Variants in RAPGEF1 observed in about 807,000 individuals in gnomAD.
RAPGEF1 encodes the protein Rap guanine nucleotide exchange factor 1.
A neutral mutation model predicts 143.3 loss-of-function variants in RAPGEF1; 33 were observed. The observed-to-expected ratio is 0.23, with a 90% CI of 0.17 to 0.31. RAPGEF1 has a LOEUF of 0.31. Among genes scored for constraint, RAPGEF1 ranks in the 10% least tolerant of loss-of-function variants. The pLI is 1.00. For missense variants in RAPGEF1, 1,199 were observed against 1,645.4 expected, an observed-to-expected ratio of 0.73 and a Z score of 4.69; for synonymous variants, 629 against 676.5, an observed-to-expected ratio of 0.93 and a Z score of 1.09.
intron 17 of RAPGEF1, among the ~76,000 whole-genome samples, 189 bp downstream of exon 17, chr9:131,596,109 G>C (rs968983850): frequency 6.6e-6 from 1 of 152,088 alleles, no homozygotes; most frequent in Admixed American, 6.6e-5. Flanking sequence ...TGCCACGCAC[G>C]CCTGGAGTTG....
chr9:131,693,347 C>T (rs1433048770), intron 1 of RAPGEF1, among the ~76,000 whole-genome samples: 1 of 152,108 alleles, frequency 6.6e-6, no homozygotes, highest in Non-Finnish European at 1.5e-5. Flanking sequence ...AACTGAGCTC[C>T]TGCAATATGC....
intron 15 of RAPGEF1, 34 bp downstream of exon 15, chr9:131,602,027 C>G (rs767661077): frequency 2.6e-6 from 4 of 1,535,490 alleles, no homozygotes; most frequent in Middle Eastern, 1.7e-4. Flanking sequence ...GCACTGCTCT[C>G]GGGGGACCCA....
chr9:131,713,352 G>C (rs1304471307), intron 1 of RAPGEF1, among the ~76,000 whole-genome samples: 1 of 152,174 alleles, frequency 6.6e-6, no homozygotes, highest in African/African-American at 2.4e-5. Flanking sequence ...CCATTTCACA[G>C]ATTCCTCAGA....
chr9:131,665,379 T>C (rs1315324455), intron 1 of RAPGEF1, among the ~76,000 whole-genome samples: 1 of 152,138 alleles, frequency 6.6e-6, no homozygotes, highest in Admixed American at 6.6e-5. Flanking sequence ...AGTTCTACCT[T>C]AATGGTACAT....
At chr9:131,739,692 C>T in intron 1 of RAPGEF1, 78 bp downstream of exon 1, 1 of 995,240 alleles carries the variant, frequency 1.0e-6, no homozygotes, top group Non-Finnish European at 1.2e-6. Context: ...TCCCGGGCGA[C>T]CCGCGCTCGG....
chr9:131,609,235 T>C (rs1957613187), intron 12 of RAPGEF1, among the ~76,000 whole-genome samples: 1 of 152,148 alleles, frequency 6.6e-6, no homozygotes, highest in Non-Finnish European at 1.5e-5. Flanking sequence ...GCTAGGCAGA[T>C]GTAAGTGTTG....
Position 131,735,119 on chromosome 9 carries a change from G to A in RAPGEF1, c.61+4651C>T, listed in dbSNP as rs550035838. ...TTAGAAGGTATGGCCCAGGAGGCCGGGATCTTTGCTGTGTCCCAAGAACAA... is the reference window on the plus strand; with the variant it reads ...TTAGAAGGTATGGCCCAGGAGGCCGAGATCTTTGCTGTGTCCCAAGAACAA... On this transcript the variant is annotated intron_variant, in intron 1 of 26. Transcript: ENST00000683357. 3.7e-3 allele frequency among the ~76,000 whole-genome samples: 550 copies of A among 148,896 alleles called. 3 individuals are homozygous for A. Among genetic ancestry groups the A allele is most frequent in the African/African-American group, 0.014 (520 of 38,268 alleles).
chr9:131,576,809 T>C lies in RAPGEF1; in HGVS notation c.*2688A>G, dbSNP rs984352091. ...TTTCATCTGTGTTTATTTTTTTTCA[T>C]ATAAAAGTTACATGTTTGAAATGTC... is the stretch of plus-strand genomic sequence containing the variant. On this transcript the variant is annotated 3_prime_UTR_variant, in exon 27 of 27. Transcript: ENST00000683357. 2.0e-5 allele frequency: 3 copies of C among 152,166 alleles called. No homozygotes were observed. The highest frequency in any genetic ancestry group is 4.4e-5 in the Non-Finnish European group (3 of 68,026). The allele number at this position is 152,166 out of a possible 1,614,324, so 9.4% of individuals were successfully genotyped here.
chr9:131,686,416 A>G (rs1833353786), intron 1 of RAPGEF1, among the ~76,000 whole-genome samples: 1 of 152,132 alleles, frequency 6.6e-6, no homozygotes. Flanking sequence ...GATTTTGACT[A>G]TGGGTAATTG....
At chr9:131,738,674 A>G (rs1272031288) in intron 1 of RAPGEF1, among the ~76,000 whole-genome samples, 1 of 152,220 alleles carries the variant, frequency 6.6e-6, no homozygotes, top group Non-Finnish European at 1.5e-5. Flanking sequence ...AAATTTAAGA[A>G]GCAATGCATT....
chr9:131,622,055 C>T (rs1961261562), intron 10 of RAPGEF1, 57 bp from the exon 11 acceptor site: 1 of 1,517,410 alleles, frequency 6.6e-7, no homozygotes, highest in Non-Finnish European at 9.0e-7. Flanking sequence ...TCAGGGAACC[C>T]CTCCCCCCAT....
rs1273083621 is a variant in RAPGEF1 at position 131,641,415 on chromosome 9, T to G, written c.494+1824A>C. Among the ~76,000 whole-genome samples, 1 of 152,128 alleles carries G rather than the reference T, an allele frequency of 6.6e-6. No homozygotes were observed. Among genetic ancestry groups the G allele is most frequent in the African/African-American group, 2.4e-5 (1 of 41,418 alleles). ...CTTGTTCTCCTGCCCCCACTGCCAA[T>G]CCAACTGCTGCTTTCCCTCAGGTCG... On this transcript the variant is annotated intron_variant, in intron 4 of 26. Transcript: ENST00000683357. This position sits in a 1 kb window ranked among gnomAD's most constrained non-coding sequence, Gnocchi z 4.6.
At position 131,583,301 on chromosome 9, in the gene RAPGEF1, A is replaced by AC. The variant is rs1029497214; in HGVS notation, c.3415-600dup. Among the ~76,000 whole-genome samples, 4 of 151,728 alleles carry AC rather than the reference A, an allele frequency of 2.6e-5. No homozygotes were observed. The stretch of plus-strand genomic sequence containing the variant: ...CTCCCTGAAGTGCTGCCTCCTGAGG[A>AC]CCCCCCATGCAGAGGCCGTGTGAAT... On this transcript the variant is annotated intron_variant, in intron 24 of 26. Coordinates refer to ENST00000683357, the MANE Select transcript of RAPGEF1 (RefSeq NM_001377935.1). This position sits in a 1 kb window ranked among gnomAD's most constrained non-coding sequence, Gnocchi z 4.7.
chr9:131,720,306 G>GTCA (rs1403859072), intron 1 of RAPGEF1, among the ~76,000 whole-genome samples: 210 of 152,224 alleles, frequency 1.4e-3, no homozygotes, highest in African/African-American at 4.5e-3. Context: ...TCTTTGTTAC[G>GTCA]TCATCATCAT....
intron 1 of RAPGEF1, among the ~76,000 whole-genome samples, chr9:131,677,807 C>A (rs544235405): frequency 6.6e-6 from 1 of 152,172 alleles, no homozygotes; most frequent in African/African-American, 2.4e-5. Flanking sequence ...GACAAACAAG[C>A]GGCCAGCTGC....
chr9:131,630,316 G>C lies in RAPGEF1; in HGVS notation c.660C>G (p.Val220=). The change falls in exon 6 of 27, where the codon GTC becomes GTG. Residue 220 remains valine, a synonymous_variant. Transcript: ENST00000683357. ...GTCCCTGCTTCTCGATGGTGAGCCT[G>C]ACCAGCTCCTACCCCCACAAGAAAA... ...KAVLDGVKEL[V]RLTIEKQGRP... 1 of 1,613,730 alleles carries C rather than the reference G, an allele frequency of 6.2e-7. No homozygotes were observed.
intron 3 of RAPGEF1, among the ~76,000 whole-genome samples, chr9:131,643,720 C>A (rs1233665064): frequency 1.3e-5 from 2 of 152,202 alleles, no homozygotes; most frequent in African/African-American, 4.8e-5. Flanking sequence ...CACTGACAGA[C>A]CACCACTAAC....
chr9:131,638,579 AGCAG>A, intron 5 of RAPGEF1, 52 bp downstream of exon 5: 1 of 1,594,096 alleles, frequency 6.3e-7, no homozygotes, highest in Non-Finnish European at 8.6e-7. Context: ...GACAAGCACC[AGCAG>A]GCAGGCTGCT....
chr9:131,580,456 A>ATGTGTCAGGCGC, intron 25 of RAPGEF1, 65 bp from the exon 26 acceptor site: 1 of 1,558,712 alleles, frequency 6.4e-7, no homozygotes, highest in Non-Finnish European at 8.7e-7. Context: ...GGCTAGAGAC[A>ATGTGTCAGGCGC]TGTGTCAGGC....
Sources: gnomAD v4.1 joint callset for allele counts (sites outside exome capture counted in the v4.1 genomes callset) on GRCh38, gnomAD v4.1.1 for gene constraint, Gnocchi (gnomAD v3.1) non-coding constraint, MANE v1.5 for transcripts, NCBI Gene and HGNC (gene_info 2026-07-23, HGNC 2026-07-21) for gene names.